The following MEIKIN variants were observed in gnomAD, a reference collection of about 807,000 sequenced individuals.
MEIKIN encodes meiotic kinetochore factor.
chr5:131,900,978 G>A (rs1301527469), intron 8 of MEIKIN, among the ~76,000 whole-genome samples: 4 of 152,162 alleles, frequency 2.6e-5, no homozygotes, highest in East Asian at 1.9e-4. Context: ...ATGCATGGGT[G>A]GACCTTGCTG....
chr5:131,893,890 A>C (rs1561747506), intron 8 of MEIKIN, among the ~76,000 whole-genome samples: 1 of 151,848 alleles, frequency 6.6e-6, no homozygotes, highest in Non-Finnish European at 1.5e-5. Context: ...TGTGCAGGAG[A>C]TCTTTAGTTT....
chr5:131,826,086 C>CTTTTTTTTT (rs35951729), intron 11 of MEIKIN, among the ~76,000 whole-genome samples: 1 of 124,986 alleles, frequency 8.0e-6, no homozygotes, highest in Non-Finnish European at 1.7e-5. Flanking sequence ...TTCTTGTTTT[C>CTTTTTTTTT]TTTTTTTTTT....
intron 11 of MEIKIN, among the ~76,000 whole-genome samples, chr5:131,835,541 CTA>C (rs1357723274): frequency 6.6e-6 from 1 of 151,974 alleles, no homozygotes; most frequent in Non-Finnish European, 1.5e-5. Context: ...GTTAATTTTT[CTA>C]TATGGTGTAC....
chr5:131,880,749 CCTT>C (rs1400627317), intron 8 of MEIKIN, among the ~76,000 whole-genome samples: 1 of 152,194 alleles, frequency 6.6e-6, no homozygotes, highest in African/African-American at 2.4e-5. Context: ...ATTACAAAGT[CCTT>C]CTTTTTATGA....
chr5:131,830,130 C>T (rs886542052), intron 11 of MEIKIN, among the ~76,000 whole-genome samples: 2 of 152,180 alleles, frequency 1.3e-5, no homozygotes, highest in Admixed American at 6.5e-5. Flanking sequence ...TGACTCATCC[C>T]TGTAATACCA....
chr5:131,943,915 C>A (rs1444861563), intron 3 of MEIKIN, among the ~76,000 whole-genome samples: 2 of 151,922 alleles, frequency 1.3e-5, no homozygotes, highest in African/African-American at 4.8e-5. Flanking sequence ...GTCAGGAGTT[C>A]GAGACCAGCC....
chr5:131,935,211 A>G (rs1425612574), intron 4 of MEIKIN, among the ~76,000 whole-genome samples: 1 of 148,202 alleles, frequency 6.7e-6, no homozygotes, highest in Non-Finnish European at 1.5e-5. Context: ...TGAGAGGATC[A>G]TCTGAGCCCA....
intron 8 of MEIKIN, among the ~76,000 whole-genome samples, chr5:131,885,789 CA>C (rs1305895479): frequency 6.6e-6 from 1 of 152,124 alleles, no homozygotes; most frequent in Non-Finnish European, 1.5e-5. Flanking sequence ...GGTAGAGCAC[CA>C]AACAGGCTCA....
At chr5:131,914,866 G>C (rs2149645057) in intron 7 of MEIKIN, among the ~76,000 whole-genome samples, 1 of 152,202 alleles carries the variant, frequency 6.6e-6, no homozygotes, top group South Asian at 2.1e-4. Flanking sequence ...GCAGATAGGG[G>C]TAATAAATGG....
intron 11 of MEIKIN, among the ~76,000 whole-genome samples, chr5:131,849,766 G>A (rs1750080018): frequency 6.6e-6 from 1 of 151,704 alleles, no homozygotes; most frequent in Admixed American, 6.6e-5. Context: ...CCTCTAAGAT[G>A]AAGAAAAAGG....
intron 8 of MEIKIN, among the ~76,000 whole-genome samples, chr5:131,881,309 T>C (rs1158066960): frequency 6.6e-6 from 1 of 152,176 alleles, no homozygotes; most frequent in Non-Finnish European, 1.5e-5. Context: ...ATAGCTGGTA[T>C]CATTCCTTCC....
At chr5:131,942,033 C>T (rs1751877159) in intron 4 of MEIKIN, among the ~76,000 whole-genome samples, 1 of 152,218 alleles carries the variant, frequency 6.6e-6, no homozygotes, top group African/African-American at 2.4e-5. Context: ...ACTCCTGATT[C>T]TTTCCAGTCC....
At chr5:131,933,412 G>T in intron 5 of MEIKIN, 101 bp downstream of exon 5, 1 of 384,316 alleles carries the variant, frequency 2.6e-6, no homozygotes, top group Non-Finnish European at 4.6e-6. Context: ...TGAGGAAGAG[G>T]AGTATGCCTT....
At chr5:131,942,227 C>A (rs1751879952) in intron 4 of MEIKIN, among the ~76,000 whole-genome samples, 4 of 152,222 alleles carry the variant, frequency 2.6e-5, no homozygotes, top group Admixed American at 1.3e-4. Flanking sequence ...GTACTGCAGT[C>A]ATACTGGCCT....
chr5:131,843,928 T>C (rs1458062514), intron 11 of MEIKIN, among the ~76,000 whole-genome samples: 4 of 152,208 alleles, frequency 2.6e-5, no homozygotes, highest in African/African-American at 9.7e-5. Context: ...AATAACTACC[T>C]GAGACTGGGT....
At chr5:131,937,580 C>A (rs73264062) in intron 4 of MEIKIN, among the ~76,000 whole-genome samples, 2,487 of 151,934 alleles carry the variant, frequency 0.016, 53 homozygotes, top group African/African-American at 0.053. Flanking sequence ...AGTAATATAC[C>A]TTTCCATACC....
At chr5:131,859,822 G>C (rs991902748) in intron 9 of MEIKIN, among the ~76,000 whole-genome samples, 4 of 152,108 alleles carry the variant, frequency 2.6e-5, no homozygotes, top group African/African-American at 7.2e-5. Context: ...CCTTTCCCCC[G>C]TGTATGTTCT....
intron 6 of MEIKIN, among the ~76,000 whole-genome samples, chr5:131,918,818 C>A (rs377292471): frequency 6.6e-6 from 1 of 152,288 alleles, no homozygotes; most frequent in African/African-American, 2.4e-5. Context: ...ATTCTTTCTA[C>A]CAGGAACACG....
intron 5 of MEIKIN, among the ~76,000 whole-genome samples, chr5:131,927,274 T>G (rs1011421759): frequency 1.3e-5 from 2 of 152,228 alleles, no homozygotes; most frequent in African/African-American, 4.8e-5. Flanking sequence ...ATTTGTGAAT[T>G]TTCCAGTATT....
Sources: allele counts gnomAD v4.1 joint callset (sites outside exome capture counted in the v4.1 genomes callset), GRCh38; gene constraint gnomAD v4.1.1; transcripts MANE v1.5; gene names NCBI Gene and HGNC (gene_info 2026-07-23, HGNC 2026-07-21).